Variants in RTF1 observed in about 807,000 individuals in gnomAD.
The protein encoded by RTF1 is RNA polymerase-associated protein RTF1 homolog.
RTF1 carries 10 observed loss-of-function variants against 95.7 expected under a neutral mutation model. The ratio of observed to expected loss-of-function variants is 0.10; its 90% CI spans 0.06 to 0.18. RTF1 has a LOEUF of 0.18. Ranked by LOEUF, RTF1 falls within the 10% of genes least tolerant of loss-of-function variation. RTF1 has a pLI of 1.00. For synonymous variants in RTF1, 305 were observed against 311.8 expected, an observed-to-expected ratio of 0.98 and a Z score of 0.23; for missense variants, 458 against 875.6, an observed-to-expected ratio of 0.52 and a Z score of 6.02.
intron 8 of RTF1, among the ~76,000 whole-genome samples, chr15:41,471,930 A>T (rs905781255): frequency 2.0e-5 from 3 of 152,108 alleles, no homozygotes; most frequent in African/African-American, 4.8e-5. Context: ...ACGGAGTCTC[A>T]TTCTGTCACC....
At chr15:41,436,962 C>T (rs1344646165) in intron 1 of RTF1, among the ~76,000 whole-genome samples, 1 of 151,558 alleles carries the variant, frequency 6.6e-6, no homozygotes, top group African/African-American at 2.4e-5. Flanking sequence ...TGGCACACCC[C>T]TGTAGTCCCA....
At position 41,459,106 on chromosome 15, in the gene RTF1, C is replaced by T. The variant is rs184777233; in HGVS notation, c.662+1230C>T. 1.1e-4 allele frequency among the ~76,000 whole-genome samples: 17 copies of T among 148,412 alleles called. No homozygotes were observed. The East Asian group carries it at 2.7e-3, about 23-fold the overall frequency. On this transcript the variant is annotated intron_variant, in intron 4 of 17. Transcript: ENST00000389629. ...AAAATAAAGGGAATTACAGGCCTGGCGCGGCGGCTCACACCTGTAATCCCA... is the reference window on the plus strand; with the variant it reads ...AAAATAAAGGGAATTACAGGCCTGGTGCGGCGGCTCACACCTGTAATCCCA...
intron 2 of RTF1, among the ~76,000 whole-genome samples, chr15:41,449,593 A>G (rs184276735): frequency 4.0e-5 from 6 of 151,620 alleles, no homozygotes; most frequent in East Asian, 1.9e-4. Flanking sequence ...TCCTCCCACT[A>G]TGGCCTCCCA....
chr15:41,443,341 T>C (rs903266900), intron 2 of RTF1, among the ~76,000 whole-genome samples: 3 of 152,144 alleles, frequency 2.0e-5, no homozygotes, highest in African/African-American at 7.2e-5. Flanking sequence ...TATATACTTG[T>C]CCTATTATTT....
At chr15:41,466,889 T>C (rs1248469853) in intron 6 of RTF1, among the ~76,000 whole-genome samples, 2 of 152,248 alleles carry the variant, frequency 1.3e-5, no homozygotes, top group Non-Finnish European at 2.9e-5. Context: ...AATGTGTTTC[T>C]GGTCCCTTGG....
intron 2 of RTF1, among the ~76,000 whole-genome samples, chr15:41,442,887 A>G (rs573295917): frequency 1.2e-4 from 19 of 152,298 alleles, no homozygotes; most frequent in Middle Eastern, 3.4e-3. Flanking sequence ...CTGCATCTCA[A>G]TAAAAATAAA....
At chr15:41,436,485 G>A (rs570425279) in intron 1 of RTF1, among the ~76,000 whole-genome samples, 4 of 150,376 alleles carry the variant, frequency 2.7e-5, no homozygotes, top group African/African-American at 7.3e-5. Flanking sequence ...ATTGCCAGGC[G>A]TGGTGGTGGG....
At chr15:41,449,226 A>AGTTTTTTTTTTTTT (rs2050778158) in intron 2 of RTF1, among the ~76,000 whole-genome samples, 1 of 113,688 alleles carries the variant, frequency 8.8e-6, no homozygotes, top group African/African-American at 3.5e-5. Context: ...GAGGCAGGTG[A>AGTTTTTTTTTTTTT]ATTTTTTTTT....
At chr15:41,456,744 C>T (rs977887357) in intron 3 of RTF1, among the ~76,000 whole-genome samples, 2 of 151,914 alleles carry the variant, frequency 1.3e-5, no homozygotes, top group Admixed American at 6.6e-5. Context: ...GAGCCGAGAT[C>T]GCGCTGCTGC....
At chr15:41,433,887 C>G (rs2050688537) in intron 1 of RTF1, among the ~76,000 whole-genome samples, 1 of 147,584 alleles carries the variant, frequency 6.8e-6, no homozygotes, top group African/African-American at 2.5e-5. Context: ...CTCTTTTTGC[C>G]CAGGCTGGAG....
intron 8 of RTF1, among the ~76,000 whole-genome samples, chr15:41,472,852 C>T (rs2050920689): frequency 6.6e-6 from 1 of 151,950 alleles, no homozygotes; most frequent in African/African-American, 2.4e-5. Flanking sequence ...CAGGCGCCCG[C>T]AACCACGCCT....
At chr15:41,476,577 C>G (rs1276014537) in intron 12 of RTF1, 54 bp downstream of exon 12, 12 of 1,485,810 alleles carry the variant, frequency 8.1e-6, no homozygotes, top group Middle Eastern at 1.7e-4. Context: ...ATGTGGAAAT[C>G]AAACTTGTTC....
chr15:41,434,035 C>T (rs964426601), intron 1 of RTF1, among the ~76,000 whole-genome samples: 4 of 151,414 alleles, frequency 2.6e-5, no homozygotes, highest in African/African-American at 9.7e-5. Flanking sequence ...AGTAGAGATG[C>T]GGTTTCTCCA....
intron 1 of RTF1, among the ~76,000 whole-genome samples, chr15:41,427,875 C>G (rs2140946369): frequency 6.6e-6 from 1 of 152,068 alleles, no homozygotes; most frequent in South Asian, 2.1e-4. Context: ...CAACCTCCGC[C>G]TCCCGGGTTC....
chr15:41,421,783 A>T (rs941900579), intron 1 of RTF1, among the ~76,000 whole-genome samples: 14 of 149,106 alleles, frequency 9.4e-5, no homozygotes, highest in Admixed American at 6.1e-4. Context: ...ATTACAGCTC[A>T]CGGCTGTAGC....
chr15:41,426,839 T>TAA (rs2050635827), intron 1 of RTF1, among the ~76,000 whole-genome samples: 1 of 144,272 alleles, frequency 6.9e-6, no homozygotes, highest in Non-Finnish European at 1.5e-5. Flanking sequence ...TTTTTGTTTG[T>TAA]TTGTTTGTTT....
intron 6 of RTF1, among the ~76,000 whole-genome samples, chr15:41,469,693 T>C (rs1316928384): frequency 6.6e-6 from 1 of 152,082 alleles, no homozygotes. Flanking sequence ...GCCTGGCTAA[T>C]TTTTGTATTT....
intron 4 of RTF1, among the ~76,000 whole-genome samples, chr15:41,458,853 C>T (rs1399609190): frequency 1.1e-4 from 16 of 150,154 alleles, no homozygotes; most frequent in Admixed American, 1.1e-3. Context: ...GGGCGGATCA[C>T]TTGAGGTCAG....
chr15:41,447,700 C>A (rs1027531818), intron 2 of RTF1, among the ~76,000 whole-genome samples: 2 of 152,154 alleles, frequency 1.3e-5, no homozygotes, highest in Non-Finnish European at 2.9e-5. Flanking sequence ...GGATCCTTTC[C>A]TTTACCCAGA....
Sources: gnomAD v4.1 joint callset for allele counts (sites outside exome capture counted in the v4.1 genomes callset) on GRCh38, gnomAD v4.1.1 for gene constraint, MANE v1.5 for transcripts, NCBI Gene and HGNC (gene_info 2026-07-23, HGNC 2026-07-21) for gene names.